SLX9: variants seen among roughly 807,000 people sequenced by gnomAD.
SLX9 encodes the protein SLX9 ribosome biogenesis factor, also known as ribosome biogenesis protein SLX9 homolog.
SLX9 carries 19 observed loss-of-function variants against 20.8 expected under a neutral mutation model. The ratio of observed to expected loss-of-function variants is 0.91; its 90% confidence interval spans 0.64 to 1.34. The LOEUF is 1.34. SLX9 is among the 40% of genes most tolerant of loss of function. The pLI, the probability that SLX9 is intolerant of heterozygous loss-of-function variation, is 0.00. For synonymous variants in SLX9, 113 were observed against 137.1 expected, an observed-to-expected ratio of 0.82 and a Z score of 1.23; for missense variants, 299 against 322.2, an observed-to-expected ratio of 0.93 and a Z score of 0.55.
At chr21:44,945,873 G>A (rs1016120907) in intron 2 of SLX9, among the ~76,000 whole-genome samples, 2 of 152,160 alleles carry the variant, frequency 1.3e-5, no homozygotes, top group African/African-American at 2.4e-5. Flanking sequence ...ATGCCACCAC[G>A]CCCAGCTAAC....
chr21:44,942,462 G>A (rs1473306052), intron 1 of SLX9, among the ~76,000 whole-genome samples: 1 of 152,174 alleles, frequency 6.6e-6, no homozygotes, highest in African/African-American at 2.4e-5. Context: ...AGGTGCTGTG[G>A]GTGAGAGCAC....
chr21:44,961,891 T>C (rs894447302), intron 3 of SLX9, among the ~76,000 whole-genome samples: 32 of 152,256 alleles, frequency 2.1e-4, no homozygotes, highest in African/African-American at 6.0e-4. Flanking sequence ...GTAAGTTATC[T>C]CTAAATACAG....
chr21:44,975,248 T>A (rs112195341), intron 5 of SLX9, among the ~76,000 whole-genome samples: 6 of 152,330 alleles, frequency 3.9e-5, no homozygotes, highest in African/African-American at 1.4e-4. Context: ...GGGCTTCATG[T>A]TGGGCATGAG....
At chr21:44,952,886 G>A (rs987972868) in intron 2 of SLX9, among the ~76,000 whole-genome samples, 6 of 152,224 alleles carry the variant, frequency 3.9e-5, no homozygotes, top group Admixed American at 1.3e-4. Flanking sequence ...CCATCTGCAC[G>A]TCACTGTCCT....
At chr21:44,946,590 A>T (rs1168703167) in intron 2 of SLX9, among the ~76,000 whole-genome samples, 1 of 152,150 alleles carries the variant, frequency 6.6e-6, no homozygotes, top group Admixed American at 6.5e-5. Flanking sequence ...GATTCAGGAG[A>T]AGGTGCTCCA....
intron 4 of SLX9, among the ~76,000 whole-genome samples, chr21:44,968,324 C>G (rs1472391767): frequency 1.3e-5 from 2 of 152,198 alleles, no homozygotes; most frequent in Non-Finnish European, 2.9e-5. Flanking sequence ...TGACGCAACC[C>G]CACCACCCAT....
At chr21:44,959,791 A>C (rs2084921757) in intron 2 of SLX9, among the ~76,000 whole-genome samples, 1 of 152,230 alleles carries the variant, frequency 6.6e-6, no homozygotes, top group African/African-American at 2.4e-5. Flanking sequence ...CTGCCCTGAC[A>C]GTCATTCGGG....
At chr21:44,972,508 ACCT>A (rs1433889129) in intron 4 of SLX9, among the ~76,000 whole-genome samples, 4 of 151,708 alleles carry the variant, frequency 2.6e-5, no homozygotes, top group African/African-American at 7.3e-5. Context: ...CACTCAGGAA[ACCT>A]CCTCAGTTCC....
At chr21:44,963,401 G>A (rs1294966053) in intron 3 of SLX9, among the ~76,000 whole-genome samples, 1 of 150,202 alleles carries the variant, frequency 6.7e-6, no homozygotes, top group East Asian at 1.9e-4. Context: ...AAATAAACGA[G>A]AGTTTAATTT....
Position 44,967,086 on chromosome 21 carries a change from G to A in SLX9, c.405G>A (p.Arg135=). The A allele has an allele frequency of 1.2e-6, 2 of 1,611,730 alleles. No individual in the cohort carries two copies. Among genetic ancestry groups the A allele is most frequent in the Non-Finnish European group, 1.7e-6 (2 of 1,179,690 alleles). ...AGAAGCACAGGGAGGAGCGGAGGCGGAGGGCCACGGTGGTGGTGGGGGACC... is the reference window on the plus strand; with the variant it reads ...AGAAGCACAGGGAGGAGCGGAGGCGAAGGGCCACGGTGGTGGTGGGGGACC... ...AEQKHREERR[R]RATVVVGDLH... is the part of the protein sequence containing the mutation. Residue 135 remains arginine, a synonymous_variant, in exon 4 of 6, where the codon CGG becomes CGA. Transcript: ENST00000291634.
intron 3 of SLX9, 119 bp from the exon 4 acceptor site, chr21:44,966,915 G>A (rs1310856816): frequency 4.5e-6 from 6 of 1,322,420 alleles, no homozygotes; most frequent in East Asian, 2.5e-5. Context: ...GGGTGACAGC[G>A]GGAAGGAGAG....
chr21:44,954,371 C>T (rs2084815492), intron 2 of SLX9, among the ~76,000 whole-genome samples: 2 of 152,022 alleles, frequency 1.3e-5, no homozygotes, highest in African/African-American at 4.8e-5. Flanking sequence ...TCTCAGGGGC[C>T]CCGTCTCCCA....
chr21:44,966,694 C>G (rs1388483415), intron 3 of SLX9, among the ~76,000 whole-genome samples: 1 of 152,228 alleles, frequency 6.6e-6, no homozygotes, highest in Non-Finnish European at 1.5e-5. Flanking sequence ...CCCTTTTCCT[C>G]ATTCCCCTCT....
chr21:44,954,258 G>T (rs1455278305), intron 2 of SLX9, among the ~76,000 whole-genome samples: 1 of 152,200 alleles, frequency 6.6e-6, no homozygotes, highest in African/African-American at 2.4e-5. Flanking sequence ...AGATCCCGTG[G>T]ACTCTGCGTC....
intron 1 of SLX9, 108 bp downstream of exon 1, chr21:44,940,294 T>A (rs1256277038): frequency 8.5e-7 from 1 of 1,180,732 alleles, no homozygotes. Context: ...TCCCTCGGGC[T>A]CTGCGGGCAT....
intron 4 of SLX9, among the ~76,000 whole-genome samples, chr21:44,971,810 G>C (rs1021912050): frequency 4.6e-5 from 7 of 152,206 alleles, no homozygotes; most frequent in Non-Finnish European, 1.0e-4. Context: ...CGGCTGGCCA[G>C]GGGGGCAGAG....
chr21:44,954,982 G>A (rs1011944431), intron 2 of SLX9, among the ~76,000 whole-genome samples: 1 of 152,204 alleles, frequency 6.6e-6, no homozygotes, highest in African/African-American at 2.4e-5. Flanking sequence ...GGGAGGCAGA[G>A]GCAGGTGGAT....
chr21:44,966,582 G>A (rs2085039639), intron 3 of SLX9, among the ~76,000 whole-genome samples: 2 of 152,158 alleles, frequency 1.3e-5, no homozygotes, highest in South Asian at 2.1e-4. Flanking sequence ...CAAGCCCTCA[G>A]GTCTGTCCTG....
chr21:44,939,882 A>G, upstream of SLX9: 1 of 612,024 alleles, frequency 1.6e-6, no homozygotes, highest in Non-Finnish European at 2.7e-6. Context: ...GCGTCGGTGA[A>G]AGGCGGAGCG....
Sources: gnomAD v4.1 joint callset for allele counts (sites outside exome capture counted in the v4.1 genomes callset) on GRCh38, gnomAD v4.1.1 for gene constraint, MANE v1.5 for transcripts, NCBI Gene and HGNC (gene_info 2026-07-23, HGNC 2026-07-21) for gene names.